The following UNC80 variants were observed in gnomAD, a reference collection of about 807,000 sequenced individuals.
The protein encoded by UNC80 is unc-80 subunit of NALCN channel complex.
UNC80 carries 164 observed loss-of-function variants against 384.6 expected under a neutral mutation model. That is an observed-to-expected ratio of 0.43 (90% confidence interval 0.38 to 0.49). UNC80 has a LOEUF of 0.49. Among genes scored for constraint, UNC80 ranks in the 20% least tolerant of loss-of-function variants. The probability of loss-of-function intolerance (pLI) is 0.00; values close to 1 mark genes in which losing one functional copy is unlikely to be tolerated. For missense variants in UNC80, 3,330 were observed against 4,143.0 expected, an observed-to-expected ratio of 0.80 and a Z score of 5.39; for synonymous variants, 1,486 against 1,527.8, an observed-to-expected ratio of 0.97 and a Z score of 0.64.
chr2:209,956,089 T>A (rs2092405665), intron 48 of UNC80, among the ~76,000 whole-genome samples: 1 of 152,090 alleles, frequency 6.6e-6, no homozygotes, highest in Non-Finnish European at 1.5e-5. Flanking sequence ...CTCATTTCTA[T>A]ACCTTTTTAT....
chr2:209,855,760 CTCTT>C (rs1310754214), intron 22 of UNC80, among the ~76,000 whole-genome samples: 2 of 151,850 alleles, frequency 1.3e-5, no homozygotes, highest in Non-Finnish European at 2.9e-5. Flanking sequence ...TCATGCTATC[CTCTT>C]TCTTATTTGT....
At chr2:209,799,224 A>G (rs1339410183) in intron 7 of UNC80, among the ~76,000 whole-genome samples, 1 of 151,730 alleles carries the variant, frequency 6.6e-6, no homozygotes, top group Non-Finnish European at 1.5e-5. Context: ...ATGTTTTTCC[A>G]TTTGTTTGTG....
chr2:209,880,957 C>A lies in UNC80; in HGVS notation c.3977-4C>A, dbSNP rs2370838. On this transcript the variant is annotated splice_polypyrimidine_tract_variant and splice_region_variant and intron_variant, in intron 24 of 64. Coordinates refer to ENST00000673920, the MANE Select transcript of UNC80 (RefSeq NM_001371986.1). ...CCTTATGAAAGAACACTTTCATTTCCTAGGTACTGTGAACCCCTCTAAATG... is the reference window on the plus strand; with the variant it reads ...CCTTATGAAAGAACACTTTCATTTCATAGGTACTGTGAACCCCTCTAAATG... 1,530,378 of 1,551,720 alleles carry A rather than the reference C, an allele frequency of 0.99. 754,721 individuals carry two copies. The highest frequency in any genetic ancestry group is 1 in the East Asian group (40,902 of 40,906).
rs2093014591 is a variant in UNC80, at chr2:209,976,393, G to A, written c.8772+90G>A. The A allele has an allele frequency of 2.0e-6, 3 of 1,501,370 alleles. No individual in the cohort carries two copies. Among genetic ancestry groups the A allele is most frequent in the African/African-American group, 1.4e-5 (1 of 71,724 alleles). The allele number at this position is 1,501,370 out of a possible 1,614,324, so 93.0% of individuals were successfully genotyped here. ...GCAGGAATATGGCAGGAGTGCTCAT[G>A]GTACCTACTGTTGCCAGTTAGTAGG... On this transcript the variant is annotated intron_variant, in intron 57 of 64. Coordinates refer to ENST00000673920, the MANE Select transcript of UNC80 (RefSeq NM_001371986.1). The surrounding 1 kb of genome is among the most constrained non-coding windows in gnomAD (Gnocchi z 4.3).
intron 26 of UNC80, among the ~76,000 whole-genome samples, chr2:209,890,287 T>A (rs1183104024): frequency 2.6e-5 from 4 of 152,114 alleles, no homozygotes; most frequent in Non-Finnish European, 5.9e-5. Flanking sequence ...AAAAGTAAAG[T>A]TTTTTGTGCT....
At position 209,996,410 on chromosome 2, in the gene UNC80, C is replaced by T. The variant is rs538536594; in HGVS notation, c.*815C>T. 1.3e-5 allele frequency: 2 copies of T among 152,130 alleles called. No individual in the cohort carries two copies. The highest frequency in any genetic ancestry group is 3.8e-4 in the East Asian group (2 of 5,198). The allele number at this position is 152,130 out of a possible 1,614,324, so 9.4% of individuals were successfully genotyped here. A position where few individuals can be genotyped will look rare whatever the true frequency, so the allele number is the denominator to read the frequency against. On this transcript the variant is annotated 3_prime_UTR_variant, in exon 65 of 65. Transcript: ENST00000673920. The stretch of plus-strand genomic sequence containing the variant: ...AAGAGATGGTATTCCTATTCCTAGC[C>T]CTGACTACATCAATACCAAGATTAG...
rs938374257 is a variant in UNC80 at position 209,933,818 on chromosome 2, C to G, written c.5995-4C>G. 2 of 1,548,742 alleles carry G rather than the reference C, an allele frequency of 1.3e-6. No individual in the cohort carries two copies. The highest frequency in any genetic ancestry group is 1.2e-5 in the South Asian group (1 of 83,680). ...TTGTGAACTCTTCTTATACTGACTT[C>G]TAGGTAGGATTAATCATGTACTTTG... On this transcript the variant is annotated splice_polypyrimidine_tract_variant and splice_region_variant and intron_variant, in intron 38 of 64. Transcript: ENST00000673920.
In UNC80 at chr2:209,878,031, T is replaced by C. The variant is rs998771056; in HGVS notation, c.3918T>C (p.Asp1306=). The C allele has an allele frequency of 1.2e-5, 18 of 1,546,116 alleles. No homozygotes were observed. Among genetic ancestry groups the C allele is most frequent in the Non-Finnish European group, 1.5e-5 (17 of 1,144,424 alleles). Residue 1306 remains aspartate, a synonymous_variant, in exon 24 of 65, where the codon GAT becomes GAC. Coordinates refer to ENST00000673920, the MANE Select transcript of UNC80 (RefSeq NM_001371986.1). ...SPANLLGLIY[D]EETKRRLRKE... ...CCAACCTGCTGGGTCTCATTTACGA[T>C]GAAGAGACCAAGAGGAGACTTAGAA...
intron 63 of UNC80, among the ~76,000 whole-genome samples, chr2:209,993,632 A>G (rs1050401361): frequency 6.6e-6 from 1 of 152,142 alleles, no homozygotes; most frequent in African/African-American, 2.4e-5. Context: ...ATGAACCTAT[A>G]AAAAATGGAA....
intron 18 of UNC80, among the ~76,000 whole-genome samples, chr2:209,837,354 C>T (rs1414784899): frequency 6.6e-6 from 1 of 152,028 alleles, no homozygotes; most frequent in Non-Finnish European, 1.5e-5. Context: ...CTCAAGCTGA[C>T]AAATGTAGAA....
At chr2:209,870,603 T>G (rs900208516) in intron 22 of UNC80, among the ~76,000 whole-genome samples, 1 of 152,220 alleles carries the variant, frequency 6.6e-6, no homozygotes, top group African/African-American at 2.4e-5. Flanking sequence ...TCTTGCATTC[T>G]GTCTTTCACA....
rs1559226593 is a variant in UNC80 at position 209,866,490 on chromosome 2, C to CACA, written c.3628-6268_3628-6267insACA. Among the ~76,000 whole-genome samples the CACA allele has an allele frequency of 3.2e-3, 344 of 107,424 alleles. 1 individual carries two copies. Among genetic ancestry groups the CACA allele is most frequent in the Non-Finnish European group, 5.2e-3 (278 of 53,420 alleles). The allele number at this position is 107,424 out of a possible 152,430, so 70.5% of individuals were successfully genotyped here. ...ACATTCCATAATACAAAATGCACCC[C>CACA]CACACACACACACACACACACACAC... On this transcript the variant is annotated intron_variant, in intron 22 of 64. Transcript: ENST00000673920.
chr2:209,855,949 A>T (rs1453332102), intron 22 of UNC80, among the ~76,000 whole-genome samples: 5 of 152,184 alleles, frequency 3.3e-5, no homozygotes, highest in Middle Eastern at 3.4e-3. Flanking sequence ...TGCCCTTATT[A>T]ATATTTTTCT....
chr2:209,956,309 C>CCCTAATT lies in UNC80; in HGVS notation c.7458-1335_7458-1334insCCTAATT, dbSNP rs1553613836. ...TATTTACAAAAAGAAGATAAGAATTCTCTGCTCAGGGTTTCTCAAGGTGGA... is the reference window on the plus strand; with the variant it reads ...TATTTACAAAAAGAAGATAAGAATTCCCTAATTTCTGCTCAGGGTTTCTCAAGGTGGA... On this transcript the variant is annotated intron_variant, in intron 48 of 64. Transcript: ENST00000673920. 4.2e-3 allele frequency among the ~76,000 whole-genome samples: 633 copies of CCCTAATT among 151,728 alleles called. 21 individuals are homozygous for CCCTAATT. The highest frequency in any genetic ancestry group is 0.01 in the Middle Eastern group (3 of 294).
In UNC80 at chr2:209,954,083, C is replaced by G; in HGVS notation, c.7287-17C>G. 6.5e-7 allele frequency: 1 copy of G among 1,540,462 alleles called. No individual in the cohort carries two copies. The highest frequency in any genetic ancestry group is 8.7e-7 in the Non-Finnish European group (1 of 1,143,104). ...AGAATGTAAAAGGTGACTCGGTTTT[C>G]TTTCTGTCGCTTAAAGTCTTCAGAT... On this transcript the variant is annotated splice_polypyrimidine_tract_variant and intron_variant, in intron 47 of 64. Transcript: ENST00000673920.
intron 16 of UNC80, 91 bp downstream of exon 16, chr2:209,831,682 A>G (rs926338423): frequency 7.6e-6 from 10 of 1,314,410 alleles, no homozygotes; most frequent in South Asian, 3.9e-5. Flanking sequence ...GAGAAGCTGA[A>G]ATCTAAAAGT....
At chr2:209,969,497 A>G in intron 52 of UNC80, 1 of 453,378 alleles carries the variant, frequency 2.2e-6, no homozygotes. Context: ...CCCTCTGTCA[A>G]AGCTAAAACC....
rs1399921214 is a variant in UNC80, at chr2:209,998,380, T to C, written c.*2785T>C. 1 of 152,216 alleles carries C rather than the reference T, an allele frequency of 6.6e-6. No individual in the cohort carries two copies. Among genetic ancestry groups the C allele is most frequent in the African/African-American group, 2.4e-5 (1 of 41,442 alleles). The allele number at this position is 152,216 out of a possible 1,614,324, so 9.4% of individuals were successfully genotyped here. ...TTTTTCTGAAAAAGAAACTGAGTTATTGAGTGTATTAAGACAAGGCACTGA... is the reference window on the plus strand; with the variant it reads ...TTTTTCTGAAAAAGAAACTGAGTTACTGAGTGTATTAAGACAAGGCACTGA... On this transcript the variant is annotated 3_prime_UTR_variant, in exon 65 of 65. Transcript: ENST00000673920.
chr2:209,965,471 G>GT (rs879799244), intron 51 of UNC80, among the ~76,000 whole-genome samples: 1,670 of 141,580 alleles, frequency 0.012, 6 homozygotes, highest in African/African-American at 0.012. Context: ...GAAGTTTTTT[G>GT]TTTTTTTTTT....
Sources: allele counts gnomAD v4.1 joint callset (sites outside exome capture counted in the v4.1 genomes callset), GRCh38; gene constraint gnomAD v4.1.1; non-coding constraint Gnocchi (gnomAD v3.1); transcripts MANE v1.5; gene names NCBI Gene and HGNC (gene_info 2026-07-23, HGNC 2026-07-21).